Variants in TJP2 observed in about 807,000 individuals in gnomAD.
TJP2 encodes the protein tight junction protein 2.
TJP2 carries 91 observed loss-of-function variants against 133.1 expected under a neutral mutation model. The observed-to-expected ratio is 0.68, with a 90% CI of 0.58 to 0.81. TJP2 has a LOEUF of 0.81. Ranked by LOEUF, TJP2 falls within the 40% of genes least tolerant of loss-of-function variation. The pLI is 0.00. For missense variants in TJP2, 1,541 were observed against 1,565.6 expected, an observed-to-expected ratio of 0.98 and a Z score of 0.26; for synonymous variants, 592 against 583.4, an observed-to-expected ratio of 1.01 and a Z score of -0.21.
intron 2 of TJP2, among the ~76,000 whole-genome samples, chr9:69,155,108 C>T (rs1251770593): frequency 2.0e-5 from 3 of 150,664 alleles, no homozygotes; most frequent in Non-Finnish European, 4.4e-5. Context: ...ATACCAGCTA[C>T]TCAGGAGGCT....
intron 1 of TJP2, among the ~76,000 whole-genome samples, chr9:69,147,656 C>T (rs1011286084): frequency 2.0e-5 from 3 of 152,100 alleles, no homozygotes; most frequent in East Asian, 3.9e-4. Context: ...TCAGAGATAA[C>T]CTCTACTAGC....
intron 11 of TJP2, 32 bp from the exon 12 acceptor site, chr9:69,234,398 CTTTTTTTTT>C (rs202100183): frequency 1.0e-6 from 1 of 982,288 alleles, no homozygotes. Flanking sequence ...TTCTTTCTTT[CTTTTTTTTT>C]TTTTTCTTTT....
intron 1 of TJP2, among the ~76,000 whole-genome samples, chr9:69,136,366 GAATA>G (rs1393304771): frequency 5.9e-5 from 9 of 152,114 alleles, no homozygotes; most frequent in African/African-American, 1.9e-4. Context: ...TGAAAAAAAT[GAATA>G]AATAATGAGC....
rs775560701 is a variant in TJP2 at position 69,239,924 on chromosome 9, C to G, written c.2356-13C>G. The G allele has an allele frequency of 6.2e-7, 1 of 1,611,650 alleles. No homozygotes were observed. Among genetic ancestry groups the G allele is most frequent in the Non-Finnish European group, 8.5e-7 (1 of 1,177,738 alleles). On this transcript the variant is annotated splice_polypyrimidine_tract_variant and intron_variant, in intron 16 of 22. Coordinates refer to ENST00000377245, the MANE Select transcript of TJP2 (RefSeq NM_004817.4). ...TATATCCATTTCTCTAACTTTTCCC[C>G]TTTTGTAAACAGGATAAGCATGCAC...
chr9:69,234,392 TTCTTTC>T (rs1563942741), intron 11 of TJP2, 41 bp from the exon 12 acceptor site: 6 of 1,341,248 alleles, frequency 4.5e-6, no homozygotes, highest in Admixed American at 2.2e-5. Flanking sequence ...CTTTCTTTCT[TTCTTTC>T]TTTTTTTTTT....
chr9:69,144,087 C>T lies in TJP2; in HGVS notation c.-130-7564C>T, dbSNP rs568945390. Reference sequence around the variant, plus strand: ...ACACGATTATAGCTTACTGCAGCCTCGAACTTGTGGGCTCAAGTGATCCTC... The same window carrying T: ...ACACGATTATAGCTTACTGCAGCCTTGAACTTGTGGGCTCAAGTGATCCTC... On this transcript the variant is annotated intron_variant, in intron 1 of 5. Coordinates refer to the TJP2 transcript ENST00000423935. Among the ~76,000 whole-genome samples the T allele has an allele frequency of 1.1e-4, 17 of 152,226 alleles. No homozygotes were observed. The South Asian group carries it at 1.9e-3, about 17-fold the overall frequency.
chr9:69,201,568 C>G (rs575982948), intron 1 of TJP2, among the ~76,000 whole-genome samples: 144 of 152,228 alleles, frequency 9.5e-4, no homozygotes, highest in African/African-American at 3.3e-3. Context: ...ATTTGTTTTG[C>G]TCTTCATTTG....
At chr9:69,240,572 T>C (rs1434423268) in intron 17 of TJP2, among the ~76,000 whole-genome samples, 2 of 152,202 alleles carry the variant, frequency 1.3e-5, no homozygotes, top group East Asian at 3.8e-4. Flanking sequence ...TGGATAACAC[T>C]TGTAATCCTC....
chr9:69,248,342 A>G, intron 19 of TJP2, 118 bp downstream of exon 19: 1 of 1,453,570 alleles, frequency 6.9e-7, no homozygotes, highest in Non-Finnish European at 9.1e-7. Flanking sequence ...GGAGCAGATG[A>G]CTTCCAGGGA....
chr9:69,155,692 G>C (rs1193178124), intron 2 of TJP2, among the ~76,000 whole-genome samples: 3 of 152,242 alleles, frequency 2.0e-5, no homozygotes, highest in Non-Finnish European at 4.4e-5. Context: ...ATCTCGCACT[G>C]TGCTGCTGAG....
In TJP2 at chr9:69,225,789, C is replaced by T. The variant is rs1829300638; in HGVS notation, c.1057-233C>T. Among the ~76,000 whole-genome samples the T allele has an allele frequency of 2.0e-5, 3 of 152,170 alleles. 1 individual carries two copies. The South Asian group carries it at 6.2e-4, about 31-fold the overall frequency. ...TTCCAGTAGTAAACCAAACCGTTGTCTTGAGCTTGGAAGTTAAATAAATTA... is the reference window on the plus strand; with the variant it reads ...TTCCAGTAGTAAACCAAACCGTTGTTTTGAGCTTGGAAGTTAAATAAATTA... On this transcript the variant is annotated intron_variant, in intron 6 of 22. Coordinates refer to ENST00000377245, the MANE Select transcript of TJP2 (RefSeq NM_004817.4).
At chr9:69,251,984 A>C (rs1831369418) in intron 21 of TJP2, among the ~76,000 whole-genome samples, 1 of 151,282 alleles carries the variant, frequency 6.6e-6, no homozygotes, top group Admixed American at 6.6e-5. Flanking sequence ...TTTTTCTTTT[A>C]TTTATTTTGT....
intron 1 of TJP2, among the ~76,000 whole-genome samples, chr9:69,131,295 G>A (rs553042978): frequency 2.0e-5 from 3 of 152,150 alleles, no homozygotes; most frequent in African/African-American, 7.2e-5. Context: ...GATATAAGCC[G>A]ATTCTGAGAG....
chr9:69,158,446 C>T (rs1189854892), intron 2 of TJP2, among the ~76,000 whole-genome samples: 1 of 152,046 alleles, frequency 6.6e-6, no homozygotes, highest in East Asian at 1.9e-4. Context: ...TATCACCTGC[C>T]CTTCTGACAC....
intron 6 of TJP2, 83 bp from the exon 7 acceptor site, chr9:69,225,939 T>C (rs915807504): frequency 1.8e-5 from 26 of 1,471,200 alleles, no homozygotes; most frequent in Non-Finnish European, 2.5e-5. Context: ...GCAAAGCCTT[T>C]ACATTTTTAG....
intron 12 of TJP2, among the ~76,000 whole-genome samples, chr9:69,235,690 C>T (rs1830135166): frequency 6.6e-6 from 1 of 152,138 alleles, no homozygotes; most frequent in Non-Finnish European, 1.5e-5. Context: ...TTGGATGAGG[C>T]CCACTCGCAT....
intron 2 of TJP2, among the ~76,000 whole-genome samples, chr9:69,215,662 A>G (rs1389158116): frequency 2.0e-5 from 3 of 151,656 alleles, no homozygotes; most frequent in Non-Finnish European, 4.4e-5. Flanking sequence ...CTGGGATTAT[A>G]GACATGAGCC....
chr9:69,151,519 C>A, intron 1 of TJP2: 12 of 764,300 alleles, frequency 1.6e-5, no homozygotes, highest in African/African-American at 1.8e-5. Flanking sequence ...AGTTGCATAA[C>A]TCTGTGAAGG....
chr9:69,216,225 G>A, intron 2 of TJP2, 114 bp from the exon 3 acceptor site: 2 of 1,290,232 alleles, frequency 1.6e-6, no homozygotes, highest in South Asian at 2.5e-5. Context: ...AAGCCCATCT[G>A]TTCCTGAACA....
Sources: gnomAD v4.1 joint callset for allele counts (sites outside exome capture counted in the v4.1 genomes callset) on GRCh38, gnomAD v4.1.1 for gene constraint, MANE v1.5 for transcripts, NCBI Gene and HGNC (gene_info 2026-07-23, HGNC 2026-07-21) for gene names.